The following RAB28 variants were observed in gnomAD, a reference collection of about 807,000 sequenced individuals.
RAB28 encodes RAB28, member RAS oncogene family, also known as ras-related protein Rab-28.
RAB28 carries 24 observed loss-of-function variants against 31.7 expected under a neutral mutation model. The ratio of observed to expected loss-of-function variants is 0.76; its 90% confidence interval spans 0.55 to 1.06. The LOEUF is 1.06. Among genes scored for constraint, RAB28 ranks in the 50% least tolerant of loss-of-function variants. RAB28 has a pLI of 0.00. For synonymous variants in RAB28, 100 were observed against 90.4 expected (o/e 1.11, Z -0.60); for missense variants, 254 against 258.5 (o/e 0.98, Z 0.12).
chr4:13,394,042 G>A (rs1021233544), intron 4 of RAB28, among the ~76,000 whole-genome samples: 1 of 152,112 alleles, frequency 6.6e-6, no homozygotes, highest in African/African-American at 2.4e-5. Context: ...AAGAATAAGT[G>A]AGCATGTAAA....
intron 4 of RAB28, among the ~76,000 whole-genome samples, chr4:13,398,643 T>C (rs11726320): frequency 0.012 from 1,760 of 152,136 alleles, 13 homozygotes; most frequent in Non-Finnish European, 0.018. Flanking sequence ...CCGGGCATGA[T>C]GGCGGGCGCC....
At chr4:13,415,134 A>G (rs1481299307) in intron 4 of RAB28, among the ~76,000 whole-genome samples, 2 of 152,254 alleles carry the variant, frequency 1.3e-5, no homozygotes, top group African/African-American at 4.8e-5. Context: ...TAATGACATC[A>G]TCAAAAGAGA....
chr4:13,471,745 T>C (rs1716131704), intron 3 of RAB28, among the ~76,000 whole-genome samples: 1 of 152,044 alleles, frequency 6.6e-6, no homozygotes, highest in Non-Finnish European at 1.5e-5. Flanking sequence ...TCCATGAATT[T>C]CTCAGAAATA....
chr4:13,456,473 T>C (rs1715305184), intron 4 of RAB28, among the ~76,000 whole-genome samples: 1 of 152,204 alleles, frequency 6.6e-6, no homozygotes, highest in Admixed American at 6.5e-5. Context: ...CATTTAATCT[T>C]TAAATCAGCT....
chr4:13,419,654 G>A (rs1444935025), intron 4 of RAB28, among the ~76,000 whole-genome samples: 2 of 152,098 alleles, frequency 1.3e-5, no homozygotes, highest in Non-Finnish European at 2.9e-5. Context: ...AATGACTACT[G>A]GGTAAATAAT....
chr4:13,411,312 A>T (rs1375640878), intron 4 of RAB28, among the ~76,000 whole-genome samples: 1 of 152,220 alleles, frequency 6.6e-6, no homozygotes, highest in Non-Finnish European at 1.5e-5. Flanking sequence ...TTTTGTGAAT[A>T]AATAGCTGAT....
At chr4:13,450,352 G>C (rs926541790) in intron 4 of RAB28, among the ~76,000 whole-genome samples, 33 of 151,666 alleles carry the variant, frequency 2.2e-4, no homozygotes, top group Non-Finnish European at 3.2e-4. Flanking sequence ...ATAAAACTAT[G>C]ATGTATTTCC....
chr4:13,449,869 CCT>C (rs1379262539), intron 4 of RAB28, among the ~76,000 whole-genome samples: 2 of 151,726 alleles, frequency 1.3e-5, no homozygotes, highest in Non-Finnish European at 3.0e-5. Flanking sequence ...CTATGTAACC[CCT>C]GTTAATTCTG....
At chr4:13,406,861 A>T (rs181289017) in intron 4 of RAB28, among the ~76,000 whole-genome samples, 1 of 151,974 alleles carries the variant, frequency 6.6e-6, no homozygotes, top group Non-Finnish European at 1.5e-5. Context: ...TTTTTCTTGT[A>T]AATTTGTTTA....
chr4:13,446,215 C>G lies in RAB28; in HGVS notation c.391+14484G>C, dbSNP rs571941741. On this transcript the variant is annotated intron_variant, in intron 4 of 6. Coordinates refer to ENST00000330852, the MANE Select transcript of RAB28 (RefSeq NM_001017979.3). The stretch of plus-strand genomic sequence containing the variant: ...CACAGTAATGGCGGTAGCCCCTCCC[C>G]CAACCAAACTTGGTCCTCCCAGTCC... Among the ~76,000 whole-genome samples, 58 of 152,232 alleles carry G rather than the reference C, an allele frequency of 3.8e-4. No individual in the cohort carries two copies. In the South Asian group the frequency reaches 0.01, roughly 27 times the overall value.
intron 6 of RAB28, among the ~76,000 whole-genome samples, chr4:13,372,361 T>A (rs966579251): frequency 7.2e-5 from 11 of 152,128 alleles, no homozygotes; most frequent in African/African-American, 2.2e-4. Context: ...GCTACTCTTC[T>A]ATATAACGAA....
At chr4:13,391,357 A>C (rs1729620910) in intron 4 of RAB28, among the ~76,000 whole-genome samples, 1 of 152,238 alleles carries the variant, frequency 6.6e-6, no homozygotes, top group Admixed American at 6.5e-5. Context: ...ACAATGAGAT[A>C]CCATCTCACA....
At chr4:13,437,148 G>A (rs1221966701) in intron 4 of RAB28, among the ~76,000 whole-genome samples, 5 of 152,174 alleles carry the variant, frequency 3.3e-5, no homozygotes, top group Non-Finnish European at 5.9e-5. Context: ...TGGAAAGCTG[G>A]CTAGCCATAT....
rs2108982546 is a variant in RAB28 at position 13,484,324 on chromosome 4, A to C, written c.-174T>G. The C allele has an allele frequency of 3.4e-6, 2 of 593,434 alleles. No individual in the cohort carries two copies. The highest frequency in any genetic ancestry group is 2.9e-5 in the East Asian group (1 of 33,920). The allele number at this position is 593,434 out of a possible 1,614,324, so 36.8% of individuals were successfully genotyped here. On this transcript the variant is annotated 5_prime_UTR_variant, in exon 1 of 7. Coordinates refer to ENST00000330852, the MANE Select transcript of RAB28 (RefSeq NM_001017979.3). ...TCACTCGGCAAGCGCCATCTTGCCC[A>C]CCTCCCCGCCCTCTGCGCGCGGCCC...
chr4:13,416,396 C>A (rs953692263), intron 4 of RAB28, among the ~76,000 whole-genome samples: 4 of 152,198 alleles, frequency 2.6e-5, no homozygotes, highest in African/African-American at 9.6e-5. Context: ...TCCAGACACG[C>A]CGCCTTTAAG....
At chr4:13,389,479 A>T (rs1242791798) in intron 4 of RAB28, among the ~76,000 whole-genome samples, 1 of 152,156 alleles carries the variant, frequency 6.6e-6, no homozygotes, top group Admixed American at 6.5e-5. Context: ...GAAAAAACAT[A>T]GCTTTCCAAA....
At chr4:13,467,551 A>G (rs371872918) in intron 3 of RAB28, among the ~76,000 whole-genome samples, 6 of 151,900 alleles carry the variant, frequency 3.9e-5, no homozygotes, top group Non-Finnish European at 5.9e-5. Context: ...ATTCTGAGGG[A>G]CTTGCACTAC....
chr4:13,384,516 G>A (rs1046369384), intron 4 of RAB28, among the ~76,000 whole-genome samples: 4 of 152,186 alleles, frequency 2.6e-5, no homozygotes, highest in African/African-American at 9.7e-5. Context: ...AGCACAGTGG[G>A]TTCCTAACCT....
chr4:13,426,567 T>C (rs1189908939), intron 4 of RAB28, among the ~76,000 whole-genome samples: 1 of 152,170 alleles, frequency 6.6e-6, no homozygotes. Flanking sequence ...CCATTTTTAA[T>C]ACTAAAAATC....
Sources: allele counts gnomAD v4.1 joint callset (sites outside exome capture counted in the v4.1 genomes callset), GRCh38; gene constraint gnomAD v4.1.1; transcripts MANE v1.5; gene names NCBI Gene and HGNC (gene_info 2026-07-23, HGNC 2026-07-21).